Variants in UBR1 observed in about 807,000 individuals in gnomAD.
UBR1 encodes the protein ubiquitin protein ligase E3 component n-recognin 1.
In UBR1, 102 loss-of-function variants were observed where a neutral mutation model predicts 242.1. The ratio of observed to expected loss-of-function variants is 0.42; its 90% CI spans 0.36 to 0.50. The LOEUF (loss-of-function observed/expected upper bound fraction) is 0.50, where lower values mean the gene tolerates loss of function less well. Among genes scored for constraint, UBR1 ranks in the 20% least tolerant of loss-of-function variants. The pLI is 0.01. For synonymous variants in UBR1, 675 were observed against 684.8 expected, an observed-to-expected ratio of 0.99 and a Z score of 0.22; for missense variants, 1,772 against 2,101.8, an observed-to-expected ratio of 0.84 and a Z score of 3.07.
intron 36 of UBR1, 76 bp from the exon 37 acceptor site, chr15:42,984,069 A>G: frequency 9.2e-7 from 1 of 1,091,324 alleles, no homozygotes; most frequent in South Asian, 1.4e-5. Flanking sequence ...AAGAGTTGGT[A>G]AAAACCAACT....
At chr15:43,061,986 T>A (rs544276211) in intron 6 of UBR1, among the ~76,000 whole-genome samples, 11 of 150,994 alleles carry the variant, frequency 7.3e-5, no homozygotes, top group South Asian at 2.1e-4. Context: ...AAAAAAAAAA[T>A]AATAATAACA....
intron 15 of UBR1, among the ~76,000 whole-genome samples, chr15:43,042,639 T>C (rs76591945): frequency 2.0e-5 from 3 of 152,280 alleles, no homozygotes; most frequent in East Asian, 1.9e-4. Context: ...ATGGTGGTGA[T>C]GGTTGTAGAA....
Position 43,007,217 on chromosome 15 carries a change from T to G in UBR1, c.3277A>C (p.Lys1093Gln). Residue 1093 changes from lysine to glutamine, a missense_variant, in exon 30 of 47, where the codon AAG (lysine) becomes CAG (glutamine). Physicochemically the swap from Lys to Gln is moderately conservative, Grantham distance 53. Coordinates refer to ENST00000290650, the MANE Select transcript of UBR1 (RefSeq NM_174916.3). ...GPKRGPSVTE[K>Q]EVLTCILCQE... ...CAAAGGATGCACGTCAGCACCTCCT[T>G]TTCAGTAACAGATGGACCCCGTTTA... is the stretch of plus-strand genomic sequence containing the variant. 1 of 1,614,144 alleles carries G rather than the reference T, an allele frequency of 6.2e-7. No individual in the cohort carries two copies. The highest frequency in any genetic ancestry group is 8.5e-7 in the Non-Finnish European group (1 of 1,180,020).
At chr15:43,089,161 CA>C (rs1405616914) in intron 1 of UBR1, among the ~76,000 whole-genome samples, 57 of 128,690 alleles carry the variant, frequency 4.4e-4, no homozygotes, top group Admixed American at 7.3e-4. Flanking sequence ...GACTCCATTT[CA>C]AAAAAAAAAA....
intron 36 of UBR1, among the ~76,000 whole-genome samples, chr15:42,984,387 T>C (rs906500643): frequency 6.6e-6 from 1 of 152,244 alleles, no homozygotes; most frequent in African/African-American, 2.4e-5. Context: ...AGGGCTACTC[T>C]GCATATTTCT....
chr15:43,017,035 G>A, intron 28 of UBR1, 60 bp downstream of exon 28: 5 of 1,389,660 alleles, frequency 3.6e-6, no homozygotes, highest in Admixed American at 1.7e-5. Context: ...CCTTATACCA[G>A]TAAAGTTCAA....
At chr15:42,958,206 CA>C in intron 43 of UBR1, 116 bp from the exon 44 acceptor site, 1 of 720,520 alleles carries the variant, frequency 1.4e-6, no homozygotes, top group Non-Finnish European at 2.4e-6. Context: ...ACTTGCAATC[CA>C]AAGTAATTCC....
At chr15:42,984,041 G>C (rs1445137283) in intron 36 of UBR1, 48 bp from the exon 37 acceptor site, 26,118 of 1,119,934 alleles carry the variant, frequency 0.023, no homozygotes, top group Non-Finnish European at 0.031. Context: ...GAAGATGAGA[G>C]ACCTAAGTCA....
intron 3 of UBR1, among the ~76,000 whole-genome samples, chr15:43,075,726 C>T (rs1327041482): frequency 1.3e-5 from 2 of 151,796 alleles, no homozygotes; most frequent in African/African-American, 4.8e-5. Flanking sequence ...AGCGATTCTC[C>T]TGCCTCAGCC....
chr15:43,058,272 T>C, intron 10 of UBR1, 69 bp downstream of exon 10: 1 of 1,004,700 alleles, frequency 1.0e-6, no homozygotes, highest in Non-Finnish European at 1.5e-6. Flanking sequence ...TAATTATCCC[T>C]GTTTCTATTA....
At chr15:43,053,399 T>C (rs971918857) in intron 12 of UBR1, among the ~76,000 whole-genome samples, 2 of 152,162 alleles carry the variant, frequency 1.3e-5, no homozygotes, top group African/African-American at 4.8e-5. Context: ...GGTAGAGAGA[T>C]TTTTTTCTAT....
chr15:42,947,065 C>T (rs952878444), intron 46 of UBR1, among the ~76,000 whole-genome samples: 11 of 152,032 alleles, frequency 7.2e-5, no homozygotes, highest in African/African-American at 2.4e-4. Flanking sequence ...GCAGGAGAAT[C>T]GCTTGAACCC....
rs1239620468 is a variant in UBR1 at position 43,032,641 on chromosome 15, C to T, written c.2191-10G>A. 8 of 1,476,808 alleles carry T rather than the reference C, an allele frequency of 5.4e-6. No individual in the cohort carries two copies. The highest frequency in any genetic ancestry group is 2.3e-5 in the South Asian group (2 of 86,010). The allele number at this position is 1,476,808 out of a possible 1,614,324, so 91.5% of individuals were successfully genotyped here. A position where few individuals can be genotyped will look rare whatever the true frequency, so the allele number is the denominator to read the frequency against. ...ATTGTTTAATCAAATCCTATAGAAT[C>T]GAAAAAGAGTAAATTAGTTATGGAA... On this transcript the variant is annotated splice_polypyrimidine_tract_variant and intron_variant, in intron 19 of 46. Coordinates refer to ENST00000290650, the MANE Select transcript of UBR1 (RefSeq NM_174916.3).
intron 40 of UBR1, 83 bp from the exon 41 acceptor site, chr15:42,966,369 C>T: frequency 6.5e-7 from 1 of 1,527,616 alleles, no homozygotes. Context: ...TTTTCAAATA[C>T]AAAGTTAAAC....
chr15:43,068,760 AC>A (rs747508029), intron 5 of UBR1, among the ~76,000 whole-genome samples: 1 of 152,126 alleles, frequency 6.6e-6, no homozygotes, highest in Non-Finnish European at 1.5e-5. Context: ...AGCTGGGATT[AC>A]AGGTGCCCAC....
rs571640118 is a variant in UBR1 at position 42,954,025 on chromosome 15, G to A, written c.4836-1577C>T. ...AGCATCCCGAGTAGCTGAGACTACA[G>A]GCACATGCCACCAAGCCTAGCTAAT... On this transcript the variant is annotated intron_variant, in intron 44 of 46. Transcript: ENST00000290650. Among the ~76,000 whole-genome samples the A allele has an allele frequency of 5.9e-5, 9 of 151,730 alleles. No individual in the cohort carries two copies. The East Asian group carries it at 1.6e-3, about 26-fold the overall frequency.
At chr15:42,954,875 T>C (rs1453507706) in intron 44 of UBR1, among the ~76,000 whole-genome samples, 1 of 151,956 alleles carries the variant, frequency 6.6e-6, no homozygotes, top group African/African-American at 2.4e-5. Flanking sequence ...GGCCTCAAAA[T>C]AACCTTAAAC....
chr15:43,038,232 C>A lies in UBR1; in HGVS notation c.1850G>T (p.Gly617Val), dbSNP rs764259098. The A allele has an allele frequency of 1.2e-6, 2 of 1,613,866 alleles. No individual in the cohort carries two copies. The highest frequency in any genetic ancestry group is 1.1e-5 in the South Asian group (1 of 91,076). ...IHLPLSRTLA[G>V]LHVRLSRLGA... is the part of the protein sequence containing the mutation. Reference sequence around the variant, plus strand: ...CAGCCTGCTTAAACGTACATGAAGACCTAAAGTTAAAAAAACGAGAGAGAA... The same window carrying A: ...CAGCCTGCTTAAACGTACATGAAGAACTAAAGTTAAAAAAACGAGAGAGAA... Residue 617 changes from glycine (G) to valine (V), a missense_variant and splice_region_variant, in exon 16 of 47, where the codon GGT becomes GTT. By Grantham distance (109) the Gly-to-Val change is moderately radical. This residue lies in a region of UBR1 where 734 missense variants were observed against 893.3 expected (regional missense o/e 0.82). Transcript: ENST00000290650.
At chr15:42,985,414 G>A (rs1187238139) in intron 35 of UBR1, among the ~76,000 whole-genome samples, 4 of 151,928 alleles carry the variant, frequency 2.6e-5, no homozygotes, top group Non-Finnish European at 5.9e-5. Flanking sequence ...GTGCAATGGC[G>A]CGATCTCGGC....
Sources: allele counts gnomAD v4.1 joint callset (sites outside exome capture counted in the v4.1 genomes callset), GRCh38; gene constraint gnomAD v4.1.1; regional missense constraint gnomAD v4.1.1; transcripts MANE v1.5; gene names NCBI Gene and HGNC (gene_info 2026-07-23, HGNC 2026-07-21).